ERBB4: variants seen among roughly 807,000 people sequenced by gnomAD.
The protein encoded by ERBB4 is receptor tyrosine-protein kinase erbB-4.
A neutral mutation model predicts 158.0 loss-of-function variants in ERBB4; 42 were observed. That is an observed-to-expected ratio of 0.27 (90% confidence interval 0.21 to 0.34). The LOEUF is 0.34. ERBB4 is among the 10% of genes least tolerant of loss of function. The pLI, the probability that ERBB4 is intolerant of heterozygous loss-of-function variation, is 1.00. For synonymous variants in ERBB4, 583 were observed against 558.7 expected (o/e 1.04, Z -0.61); for missense variants, 1,333 against 1,624.1 (o/e 0.82, Z 3.08).
intron 20 of ERBB4, among the ~76,000 whole-genome samples, chr2:211,432,144 T>C (rs937177054): frequency 6.6e-6 from 1 of 152,218 alleles, no homozygotes; most frequent in African/African-American, 2.4e-5. Context: ...AAAAATAGAT[T>C]AGAATTATTA....
intron 1 of ERBB4, among the ~76,000 whole-genome samples, chr2:212,419,307 A>T (rs2091736533): frequency 6.6e-6 from 1 of 151,968 alleles, no homozygotes; most frequent in Non-Finnish European, 1.5e-5. Context: ...TGGGAGGCAA[A>T]GAGTTGCCTG....
chr2:212,288,979 C>A (rs917894108), intron 1 of ERBB4, among the ~76,000 whole-genome samples: 5 of 151,892 alleles, frequency 3.3e-5, no homozygotes, highest in African/African-American at 1.2e-4. Context: ...GAGTGTGAAG[C>A]CTTGTAAGCC....
chr2:211,658,457 G>C (rs1170809806), intron 15 of ERBB4, among the ~76,000 whole-genome samples: 1 of 152,106 alleles, frequency 6.6e-6, no homozygotes, highest in Non-Finnish European at 1.5e-5. Context: ...ATTAAAGGTT[G>C]ATTTTGGCAG....
rs2062528085 is a variant in ERBB4, at chr2:211,378,957, C to T, written c.*4658G>A. 1 of 231,418 alleles carries T rather than the reference C, an allele frequency of 4.3e-6. No homozygotes were observed. 14.3% of individuals were successfully genotyped at this position (231,418 alleles called of 1,614,324 possible). A position where few individuals can be genotyped will look rare whatever the true frequency, so the allele number is the denominator to read the frequency against. On this transcript the variant is annotated 3_prime_UTR_variant, in exon 28 of 28. Transcript: ENST00000342788. ...TCTAGGATCCTCTGCCCACAGTATA[C>T]AGTAGAAGTTAATTTATCTGGTTTT...
At chr2:211,546,318 CATAT>C (rs932486996) in intron 20 of ERBB4, among the ~76,000 whole-genome samples, 1 of 152,084 alleles carries the variant, frequency 6.6e-6, no homozygotes, top group East Asian at 1.9e-4. Context: ...CATATGCATA[CATAT>C]ATATTTATGT....
intron 19 of ERBB4, among the ~76,000 whole-genome samples, chr2:211,580,804 A>G (rs1389334709): frequency 1.6e-5 from 1 of 61,326 alleles, no homozygotes. Context: ...ATATATATAT[A>G]TATATATAAT....
intron 19 of ERBB4, among the ~76,000 whole-genome samples, chr2:211,593,141 A>T (rs991348476): frequency 1.3e-5 from 2 of 152,142 alleles, no homozygotes; most frequent in African/African-American, 4.8e-5. Context: ...GCAGAAAGTC[A>T]ATGGGGCAAA....
chr2:212,471,182 C>T (rs184581739), intron 1 of ERBB4, among the ~76,000 whole-genome samples: 1 of 152,058 alleles, frequency 6.6e-6, no homozygotes, highest in Non-Finnish European at 1.5e-5. Flanking sequence ...GTAACAGTAA[C>T]CTTCATTCTT....
In ERBB4 at chr2:211,420,454, A is replaced by G. The variant is rs1280873952; in HGVS notation, c.3122T>C (p.Ile1041Thr). The G allele has an allele frequency of 3.1e-6, 5 of 1,611,082 alleles. No individual in the cohort carries two copies. Among genetic ancestry groups the G allele is most frequent in the Admixed American group, 1.7e-5 (1 of 59,786 alleles). ...PPPIYTSRAR[I>T]DSNRSEIGHS... is the part of the protein sequence containing the mutation. ...ATTATTTCTTACCCTATTCGAGTCA[A>G]TTCTTGCTCTGGAAGTATAGATGGG... Residue 1041 changes from isoleucine (I) to threonine (T), a missense_variant, in exon 25 of 28, where the codon ATT (isoleucine) becomes ACT (threonine). Ile to Thr is a moderately conservative substitution (Grantham distance 89). Coordinates refer to ENST00000342788, the MANE Select transcript of ERBB4 (RefSeq NM_005235.3).
chr2:211,972,539 C>T (rs534197890), intron 2 of ERBB4, among the ~76,000 whole-genome samples: 16 of 151,982 alleles, frequency 1.1e-4, no homozygotes, highest in African/African-American at 3.4e-4. Context: ...AGCAAGGTAC[C>T]GGTGAAAAAG....
At chr2:212,451,962 T>G (rs2092451683) in intron 1 of ERBB4, among the ~76,000 whole-genome samples, 1 of 151,694 alleles carries the variant, frequency 6.6e-6, no homozygotes, top group Non-Finnish European at 1.5e-5. Context: ...ACAGAAGGAT[T>G]GTCTCAGGCA....
chr2:212,421,187 G>A (rs113705259), intron 1 of ERBB4, among the ~76,000 whole-genome samples: 4 of 152,030 alleles, frequency 2.6e-5, no homozygotes, highest in African/African-American at 9.7e-5. Context: ...TTTTTAAGAA[G>A]GTCCTTACGA....
chr2:211,705,442 GA>G (rs755407161), intron 9 of ERBB4, 51 bp from the exon 10 acceptor site: 2 of 1,111,052 alleles, frequency 1.8e-6, no homozygotes, highest in Non-Finnish European at 2.8e-6. Flanking sequence ...CTAAAGGATT[GA>G]AAATATGAGA....
At chr2:212,152,085 A>G (rs2080891156) in intron 1 of ERBB4, among the ~76,000 whole-genome samples, 1 of 152,142 alleles carries the variant, frequency 6.6e-6, no homozygotes, top group African/African-American at 2.4e-5. Context: ...AGATAAGCAT[A>G]TTTAATAGAT....
At chr2:212,210,562 C>T (rs2082903620) in intron 1 of ERBB4, among the ~76,000 whole-genome samples, 2 of 151,864 alleles carry the variant, frequency 1.3e-5, no homozygotes, top group Admixed American at 1.3e-4. Flanking sequence ...ATAGATGATC[C>T]AAAAGTGGAT....
chr2:211,863,990 G>A (rs1365649905), intron 3 of ERBB4, among the ~76,000 whole-genome samples: 1 of 152,126 alleles, frequency 6.6e-6, no homozygotes, highest in Non-Finnish European at 1.5e-5. Flanking sequence ...TCTGTTAGAA[G>A]CATTGAGAGA....
intron 16 of ERBB4, among the ~76,000 whole-genome samples, chr2:211,644,487 A>G (rs959816952): frequency 1.3e-5 from 2 of 151,992 alleles, no homozygotes; most frequent in African/African-American, 4.8e-5. Flanking sequence ...ATTTCAAACA[A>G]CATTGAAATA....
chr2:212,530,694 A>G (rs1197529380), intron 1 of ERBB4, among the ~76,000 whole-genome samples: 1 of 152,134 alleles, frequency 6.6e-6, no homozygotes, highest in Non-Finnish European at 1.5e-5. Context: ...AAGCACACGC[A>G]TTTTTTGAAA....
intron 25 of ERBB4, among the ~76,000 whole-genome samples, chr2:211,392,160 A>G (rs552803289): frequency 2.8e-4 from 43 of 152,342 alleles, no homozygotes; most frequent in Middle Eastern, 3.4e-3. Flanking sequence ...TCTGATGAGC[A>G]TCTCCACACT....
Sources: allele counts gnomAD v4.1 joint callset (sites outside exome capture counted in the v4.1 genomes callset), GRCh38; gene constraint gnomAD v4.1.1; transcripts MANE v1.5; gene names NCBI Gene and HGNC (gene_info 2026-07-23, HGNC 2026-07-21).